Variants in CPNE4 observed in about 807,000 individuals in gnomAD.
CPNE4 encodes copine 4.
Under a neutral mutation model 67.9 loss-of-function variants are expected in CPNE4, and 25 were observed. The ratio of observed to expected loss-of-function variants is 0.37; its 90% CI spans 0.27 to 0.51. CPNE4 has a LOEUF of 0.51. Among genes scored for constraint, CPNE4 ranks in the 20% least tolerant of loss-of-function variants. CPNE4 has a pLI of 0.93. For missense variants in CPNE4, 464 were observed against 690.8 expected, an observed-to-expected ratio of 0.67 and a Z score of 3.68; for synonymous variants, 242 against 244.9, an observed-to-expected ratio of 0.99 and a Z score of 0.11.
chr3:131,601,176 C>T (rs1235161720), intron 7 of CPNE4, among the ~76,000 whole-genome samples: 2 of 151,916 alleles, frequency 1.3e-5, no homozygotes, highest in African/African-American at 4.9e-5. Context: ...CCTCATATCA[C>T]TTTGCCTTTG....
intron 3 of CPNE4, among the ~76,000 whole-genome samples, chr3:131,710,115 T>C (rs1331701079): frequency 1.3e-5 from 2 of 152,220 alleles, no homozygotes; most frequent in Non-Finnish European, 1.5e-5. Context: ...GGATAAAGAA[T>C]CCATATATAT....
chr3:131,661,232 T>C (rs1334908630), intron 7 of CPNE4, among the ~76,000 whole-genome samples: 3 of 152,142 alleles, frequency 2.0e-5, no homozygotes, highest in Admixed American at 1.3e-4. Flanking sequence ...ATATTAGCTG[T>C]TTTTTAAATA....
At chr3:131,801,452 G>GTGTGTGTGTGTGTA (rs761978890) in intron 2 of CPNE4, among the ~76,000 whole-genome samples, 1 of 53,382 alleles carries the variant, frequency 1.9e-5, no homozygotes, top group African/African-American at 7.8e-5. Flanking sequence ...GTGTGTGTGT[G>GTGTGTGTGTGTGTA]TATATATATA....
Position 131,700,227 on chromosome 3 carries a change from A to G in CPNE4, c.361-247T>C, listed in dbSNP as rs527388186. Among the ~76,000 whole-genome samples the G allele has an allele frequency of 5.7e-4, 86 of 152,036 alleles. 3 individuals are homozygous for G. The South Asian group carries it at 0.017, about 30-fold the overall frequency. On this transcript the variant is annotated intron_variant, in intron 3 of 15. Coordinates refer to ENST00000429747, the MANE Select transcript of CPNE4 (RefSeq NM_130808.3). The stretch of plus-strand genomic sequence containing the variant: ...TGAAGAATTACAGATAATGCAGTCA[A>G]TTGGGAGGTGGCTTAATTGTTGATG...
chr3:131,586,750 G>T (rs552327793), intron 8 of CPNE4, among the ~76,000 whole-genome samples: 1 of 151,964 alleles, frequency 6.6e-6, no homozygotes, highest in South Asian at 2.1e-4. Flanking sequence ...CTGTCTGTCT[G>T]TCTGTCTGTC....
chr3:131,894,922 G>A (rs755242312), intron 2 of CPNE4, among the ~76,000 whole-genome samples: 5 of 151,980 alleles, frequency 3.3e-5, no homozygotes, highest in Non-Finnish European at 7.4e-5. Flanking sequence ...CATGTTTACT[G>A]CAGTATTATT....
intron 2 of CPNE4, among the ~76,000 whole-genome samples, chr3:131,794,398 C>T: frequency 6.6e-6 from 1 of 152,152 alleles, no homozygotes; most frequent in East Asian, 1.9e-4. Context: ...GCGCGCATCA[C>T]CATGCCCAGC....
At chr3:131,938,117 T>C (rs1186850618) in intron 1 of CPNE4, among the ~76,000 whole-genome samples, 1 of 152,072 alleles carries the variant, frequency 6.6e-6, no homozygotes, top group Non-Finnish European at 1.5e-5. Context: ...CAGCACTTTG[T>C]GAGGCCAAGG....
At chr3:131,834,217 T>C (rs1364067363) in intron 2 of CPNE4, among the ~76,000 whole-genome samples, 1 of 152,202 alleles carries the variant, frequency 6.6e-6, no homozygotes, top group Non-Finnish European at 1.5e-5. Context: ...TATAATAACC[T>C]TTATCTTCCT....
intron 10 of CPNE4, among the ~76,000 whole-genome samples, chr3:131,573,896 G>GCGTT (rs771487296): frequency 2.0e-5 from 3 of 152,018 alleles, no homozygotes; most frequent in Non-Finnish European, 4.4e-5. Flanking sequence ...GCTCCTGTAA[G>GCGTT]CGTTCAGAAA....
At chr3:131,829,260 C>G (rs1047381806) in intron 2 of CPNE4, among the ~76,000 whole-genome samples, 3 of 152,212 alleles carry the variant, frequency 2.0e-5, no homozygotes, top group Admixed American at 2.0e-4. Context: ...GGTGGGGACA[C>G]AGCAAACCAC....
At chr3:132,009,758 A>T (rs1193139517) in intron 1 of CPNE4, among the ~76,000 whole-genome samples, 3 of 152,226 alleles carry the variant, frequency 2.0e-5, no homozygotes, top group African/African-American at 7.2e-5. Flanking sequence ...ACTCTCACTT[A>T]ATCAGGACTA....
intron 2 of CPNE4, among the ~76,000 whole-genome samples, chr3:131,742,780 G>C (rs1560220368): frequency 1.3e-5 from 2 of 152,012 alleles, no homozygotes; most frequent in East Asian, 3.9e-4. Flanking sequence ...TGTATTAAAG[G>C]AAAAATAAAA....
intron 2 of CPNE4, among the ~76,000 whole-genome samples, chr3:131,734,220 CA>C (rs1560204321): frequency 1.3e-5 from 2 of 152,186 alleles, no homozygotes; most frequent in African/African-American, 4.8e-5. Flanking sequence ...TTCTCTTTCC[CA>C]TGGCACTTTG....
At chr3:131,677,978 G>A (rs1487825580) in intron 6 of CPNE4, among the ~76,000 whole-genome samples, 1 of 152,058 alleles carries the variant, frequency 6.6e-6, no homozygotes, top group Non-Finnish European at 1.5e-5. Context: ...GAATGTCAGT[G>A]GTAGATTAAT....
At chr3:131,712,328 G>A (rs540185998) in intron 3 of CPNE4, among the ~76,000 whole-genome samples, 10 of 152,278 alleles carry the variant, frequency 6.6e-5, no homozygotes, top group South Asian at 2.1e-4. Flanking sequence ...TGTCATCACC[G>A]TTAACATTTA....
At chr3:131,589,242 G>A (rs904194113) in intron 7 of CPNE4, among the ~76,000 whole-genome samples, 1 of 152,180 alleles carries the variant, frequency 6.6e-6, no homozygotes, top group Non-Finnish European at 1.5e-5. Flanking sequence ...GAAACTCACA[G>A]TGCAGGCTTC....
intron 2 of CPNE4, among the ~76,000 whole-genome samples, chr3:131,809,101 T>C (rs972340543): frequency 3.3e-5 from 5 of 152,156 alleles, no homozygotes; most frequent in Admixed American, 2.0e-4. Flanking sequence ...AAGTTGCAGG[T>C]GGAAATTAGG....
At chr3:131,648,780 A>G (rs1407639574) in intron 7 of CPNE4, among the ~76,000 whole-genome samples, 1 of 152,148 alleles carries the variant, frequency 6.6e-6, no homozygotes, top group Non-Finnish European at 1.5e-5. Context: ...AACGCTATGA[A>G]ATAAGGGCAG....
Sources: allele counts gnomAD v4.1 joint callset (sites outside exome capture counted in the v4.1 genomes callset), GRCh38; gene constraint gnomAD v4.1.1; transcripts MANE v1.5; gene names NCBI Gene and HGNC (gene_info 2026-07-23, HGNC 2026-07-21).